The following LYPD6B variants were observed in gnomAD, a reference collection of about 807,000 sequenced individuals.
LYPD6B encodes ly6/PLAUR domain-containing protein 6B.
In LYPD6B, 17 loss-of-function variants were observed where a neutral mutation model predicts 22.8. The observed-to-expected ratio is 0.75, with a 90% CI of 0.51 to 1.12. LYPD6B has a LOEUF of 1.12. LYPD6B is among the 50% of genes most tolerant of loss of function. The pLI is 0.00. For synonymous variants in LYPD6B, 106 were observed against 91.6 expected, an observed-to-expected ratio of 1.16 and a Z score of -0.90; for missense variants, 221 against 258.3, an observed-to-expected ratio of 0.86 and a Z score of 0.99.
chr2:149,068,857 T>G (rs1684462729), intron 1 of LYPD6B: 1 of 364,344 alleles, frequency 2.7e-6, no homozygotes, highest in Non-Finnish European at 5.6e-6. Context: ...GTTTATCGCC[T>G]GCAGCCTCCA....
intron 3 of LYPD6B, chr2:149,188,779 G>A (rs1489379880): frequency 1.8e-6 from 1 of 559,542 alleles, no homozygotes; most frequent in African/African-American, 2.0e-5. Context: ...TGGGTAGCTA[G>A]TATTTATGGA....
intron 3 of LYPD6B, among the ~76,000 whole-genome samples, chr2:149,183,728 C>G (rs1264057433): frequency 1.3e-5 from 2 of 152,046 alleles, no homozygotes; most frequent in African/African-American, 2.4e-5. Flanking sequence ...AGGACATGGG[C>G]CATGTCTTAC....
chr2:149,050,058 C>A (rs560130509), intron 1 of LYPD6B, among the ~76,000 whole-genome samples: 7 of 152,068 alleles, frequency 4.6e-5, no homozygotes, highest in Admixed American at 6.6e-5. Flanking sequence ...ATTCCCCTTG[C>A]CCCCAGGTCA....
chr2:149,172,910 C>T (rs1690943236), intron 3 of LYPD6B, among the ~76,000 whole-genome samples: 1 of 152,004 alleles, frequency 6.6e-6, no homozygotes, highest in African/African-American at 2.4e-5. Flanking sequence ...GGTCTTCAAA[C>T]TATACCACCA....
intron 1 of LYPD6B, among the ~76,000 whole-genome samples, chr2:149,044,155 C>G (rs1273307030): frequency 6.6e-6 from 1 of 151,892 alleles, no homozygotes; most frequent in Non-Finnish European, 1.5e-5. Flanking sequence ...TTGTCAATAT[C>G]TACAAAAAAA....
At chr2:149,127,277 T>C (rs1256420349) in intron 1 of LYPD6B, among the ~76,000 whole-genome samples, 3 of 152,194 alleles carry the variant, frequency 2.0e-5, no homozygotes, top group Non-Finnish European at 1.5e-5. Flanking sequence ...TTTGAGAAAT[T>C]ATTTGTGTGA....
chr2:149,161,662 G>C (rs1207428999), intron 3 of LYPD6B, among the ~76,000 whole-genome samples: 1 of 152,136 alleles, frequency 6.6e-6, no homozygotes, highest in Non-Finnish European at 1.5e-5. Context: ...GAGGCCTTCT[G>C]CCTGTCAAAC....
chr2:149,054,295 G>A (rs1349629740), intron 1 of LYPD6B, among the ~76,000 whole-genome samples: 1 of 152,126 alleles, frequency 6.6e-6, no homozygotes, highest in Non-Finnish European at 1.5e-5. Flanking sequence ...CATTCTGGTA[G>A]GTGTGAAGTA....
At chr2:149,113,403 G>C (rs1405587000) in intron 1 of LYPD6B, among the ~76,000 whole-genome samples, 1 of 152,092 alleles carries the variant, frequency 6.6e-6, no homozygotes, top group Admixed American at 6.6e-5. Flanking sequence ...AAGGATGGAA[G>C]GATATCAAGA....
At position 149,188,607 on chromosome 2, in the gene LYPD6B, C is replaced by T. The variant is rs528784810; in HGVS notation, c.78-16646C>T. On this transcript the variant is annotated intron_variant, in intron 3 of 6. Transcript: ENST00000409642. Reference sequence around the variant, plus strand: ...ACAGGATTATGTAAATCACTCAACACCCAGTAAAGTTGAGATTGTGAAAGT... The same window carrying T: ...ACAGGATTATGTAAATCACTCAACATCCAGTAAAGTTGAGATTGTGAAAGT... The T allele has an allele frequency of 2.7e-4, 143 of 524,786 alleles. 1 individual carries two copies. In the South Asian group the frequency reaches 0.011, roughly 41 times the overall value. 32.5% of individuals were successfully genotyped at this position (524,786 alleles called of 1,614,324 possible).
chr2:149,131,063 CT>C, intron 2 of LYPD6B, 110 bp downstream of exon 2: 2 of 762,056 alleles, frequency 2.6e-6, no homozygotes, highest in South Asian at 1.6e-5. Context: ...CATTTGTGAT[CT>C]GGAGTTTCAT....
At chr2:149,191,454 C>T (rs1357219227) in intron 3 of LYPD6B, among the ~76,000 whole-genome samples, 1 of 152,122 alleles carries the variant, frequency 6.6e-6, no homozygotes, top group African/African-American at 2.4e-5. Flanking sequence ...TATATCCCTG[C>T]TTCACTAGAT....
chr2:149,212,760 C>T (rs907547808), intron 5 of LYPD6B, among the ~76,000 whole-genome samples: 6 of 152,108 alleles, frequency 3.9e-5, no homozygotes, highest in Admixed American at 1.3e-4. Flanking sequence ...ACAGGATGAG[C>T]GCCCATTTAC....
chr2:149,212,330 C>T (rs1188433594), intron 5 of LYPD6B, among the ~76,000 whole-genome samples: 10 of 122,650 alleles, frequency 8.2e-5, no homozygotes, highest in Admixed American at 3.5e-4. Context: ...TGCAGTGAGC[C>T]GAGATCACGC....
intron 1 of LYPD6B, among the ~76,000 whole-genome samples, chr2:149,120,923 C>G (rs911899874): frequency 2.7e-5 from 4 of 150,520 alleles, no homozygotes; most frequent in Admixed American, 6.7e-5. Flanking sequence ...TCCCAAGTAA[C>G]TGGGACTACA....
chr2:149,066,681 G>C (rs1009671931), intron 1 of LYPD6B, among the ~76,000 whole-genome samples: 1 of 151,938 alleles, frequency 6.6e-6, no homozygotes, highest in Non-Finnish European at 1.5e-5. Flanking sequence ...CAACTGTTGT[G>C]TATATGGCAT....
At chr2:149,046,323 A>G (rs548624385) in intron 1 of LYPD6B, among the ~76,000 whole-genome samples, 1 of 152,270 alleles carries the variant, frequency 6.6e-6, no homozygotes, top group African/African-American at 2.4e-5. Context: ...TTCTTGTGGC[A>G]ACATATACTT....
intron 2 of LYPD6B, among the ~76,000 whole-genome samples, chr2:149,140,630 G>C (rs1217619970): frequency 3.9e-5 from 6 of 152,156 alleles, no homozygotes; most frequent in Non-Finnish European, 8.8e-5. Context: ...GCTTATCCTT[G>C]CATTTAGAAT....
chr2:149,093,999 A>G (rs971895068), intron 1 of LYPD6B, among the ~76,000 whole-genome samples: 6 of 152,176 alleles, frequency 3.9e-5, no homozygotes, highest in African/African-American at 1.4e-4. Flanking sequence ...TTCCTGATGT[A>G]TTCCAATAGA....
Sources: gnomAD v4.1 joint callset for allele counts (sites outside exome capture counted in the v4.1 genomes callset) on GRCh38, gnomAD v4.1.1 for gene constraint, MANE v1.5 for transcripts, NCBI Gene and HGNC (gene_info 2026-07-23, HGNC 2026-07-21) for gene names.